DRD2: variants seen among roughly 807,000 people sequenced by gnomAD.
DRD2 encodes dopamine receptor D2.
A neutral mutation model predicts 38.0 loss-of-function variants in DRD2; 8 were observed. The ratio of observed to expected loss-of-function variants is 0.21; its 90% confidence interval spans 0.12 to 0.38. DRD2 has a LOEUF of 0.38. DRD2 is among the 10% of genes least tolerant of loss of function. The pLI, the probability that DRD2 is intolerant of heterozygous loss-of-function variation, is 1.00. For missense variants in DRD2, 403 were observed against 607.7 expected (o/e 0.66, Z 3.54); for synonymous variants, 230 against 238.6 (o/e 0.96, Z 0.33).
chr11:113,427,362 C>T (rs1591282574), intron 1 of DRD2, among the ~76,000 whole-genome samples: 1 of 152,110 alleles, frequency 6.6e-6, no homozygotes. Context: ...ATCCTCCTGC[C>T]TGAGCCATCA....
At chr11:113,455,125 G>T (rs1951256814) in intron 1 of DRD2, among the ~76,000 whole-genome samples, 1 of 152,146 alleles carries the variant, frequency 6.6e-6, no homozygotes, top group Non-Finnish European at 1.5e-5. Context: ...GAAGTGGATG[G>T]ATCACGAGGT....
chr11:113,414,667 G>T (rs188858781), intron 5 of DRD2, among the ~76,000 whole-genome samples: 380 of 152,316 alleles, frequency 2.5e-3, no homozygotes, highest in Non-Finnish European at 4.3e-3. Context: ...ACAAGGACCT[G>T]GTTTTTTATG....
At chr11:113,429,605 C>T (rs972476739) in intron 1 of DRD2, among the ~76,000 whole-genome samples, 1 of 152,130 alleles carries the variant, frequency 6.6e-6, no homozygotes. Flanking sequence ...TCTTCAGCAC[C>T]TTATCTACTT....
At chr11:113,474,578 C>T (rs1480080161) in intron 1 of DRD2, among the ~76,000 whole-genome samples, 1 of 152,168 alleles carries the variant, frequency 6.6e-6, no homozygotes, top group African/African-American at 2.4e-5. Context: ...TTAGCTTCTG[C>T]CTTAGAAACT....
chr11:113,440,423 G>A (rs1017074173), intron 1 of DRD2, among the ~76,000 whole-genome samples: 2 of 152,210 alleles, frequency 1.3e-5, no homozygotes, highest in Non-Finnish European at 2.9e-5. Context: ...GGCCTGTTAG[G>A]TTTCTCTGCG....
At chr11:113,413,954 C>T (rs1017655977) in intron 6 of DRD2, 1 of 328,486 alleles carries the variant, frequency 3.0e-6, no homozygotes, top group African/African-American at 2.2e-5. Flanking sequence ...CAGGTCTGGG[C>T]TTAGTGTCAC....
intron 1 of DRD2, among the ~76,000 whole-genome samples, chr11:113,439,700 G>T (rs1479482498): frequency 1.3e-5 from 2 of 151,416 alleles, no homozygotes; most frequent in Non-Finnish European, 2.9e-5. Flanking sequence ...ATTAGCCTGG[G>T]TGGAGGTGGG....
rs140807203 is a variant in DRD2 at position 113,430,623 on chromosome 11, G to A, written c.-31-5941C>T. 8.5e-4 allele frequency among the ~76,000 whole-genome samples: 129 copies of A among 152,244 alleles called. 1 individual carries two copies. The highest frequency in any genetic ancestry group is 2.8e-3 in the African/African-American group (117 of 41,536). On this transcript the variant is annotated intron_variant, in intron 1 of 7. Transcript: ENST00000362072. Reference sequence around the variant, plus strand: ...CCCTCCCTTTTGTCCTTCTGTCTCCGGGCTGCACAGATTGTTGGGCTCCAA... The same window carrying A: ...CCCTCCCTTTTGTCCTTCTGTCTCCAGGCTGCACAGATTGTTGGGCTCCAA...
chr11:113,429,297 T>G (rs1204133315), intron 1 of DRD2, among the ~76,000 whole-genome samples: 1 of 151,990 alleles, frequency 6.6e-6, no homozygotes, highest in Non-Finnish European at 1.5e-5. Flanking sequence ...CGGGCTGGAG[T>G]GCAGTGGGGC....
At chr11:113,458,618 T>A (rs1308877803) in intron 1 of DRD2, among the ~76,000 whole-genome samples, 4 of 152,258 alleles carry the variant, frequency 2.6e-5, no homozygotes, top group Non-Finnish European at 1.5e-5. Context: ...ATGCTGTGTG[T>A]ATATCATCAC....
At chr11:113,421,597 C>A (rs1191463341) in intron 2 of DRD2, among the ~76,000 whole-genome samples, 2 of 117,416 alleles carry the variant, frequency 1.7e-5, no homozygotes, top group Admixed American at 1.6e-4. Context: ...CACTCCAAAA[C>A]CAGCGTGCTT....
intron 1 of DRD2, among the ~76,000 whole-genome samples, chr11:113,458,829 G>T (rs1012239070): frequency 1.3e-5 from 2 of 152,094 alleles, no homozygotes; most frequent in African/African-American, 4.8e-5. Context: ...CAAATGTTCA[G>T]GGTCTACTAT....
intron 7 of DRD2, chr11:113,411,931 T>C (rs1169441315): frequency 6.5e-6 from 1 of 153,688 alleles, no homozygotes; most frequent in Admixed American, 6.4e-5. Context: ...TATGTGGTTT[T>C]CTAGACTTCT....
rs1369607940 is a variant in DRD2 at position 113,412,540 on chromosome 11, G to GC, written c.1138+15dup. The stretch of plus-strand genomic sequence containing the variant: ...TTCACAGACCGGGCTGTGGCCAGCA[G>GC]CCAGGGCCGACTCACCGAGAACAAT... On this transcript the variant is annotated intron_variant, in intron 7 of 7. Coordinates refer to ENST00000362072, the MANE Select transcript of DRD2 (RefSeq NM_000795.4). The GC allele has an allele frequency of 1.2e-6, 2 of 1,604,606 alleles. No homozygotes were observed. Among genetic ancestry groups the GC allele is most frequent in the African/African-American group, 2.7e-5 (2 of 73,016 alleles).
chr11:113,469,457 T>C (rs191269156), intron 1 of DRD2, among the ~76,000 whole-genome samples: 1 of 152,314 alleles, frequency 6.6e-6, no homozygotes, highest in East Asian at 1.9e-4. Context: ...GCCACTTACG[T>C]ATCAGAGAGG....
intron 1 of DRD2, among the ~76,000 whole-genome samples, chr11:113,469,745 C>G (rs117720003): frequency 0.064 from 9,771 of 152,204 alleles, 371 homozygotes; most frequent in East Asian, 0.17. Context: ...GTGGCTGAAG[C>G]AGGAGGATCA....
intron 1 of DRD2, among the ~76,000 whole-genome samples, chr11:113,444,547 T>C (rs1217031213): frequency 6.6e-6 from 1 of 152,246 alleles, no homozygotes; most frequent in South Asian, 2.1e-4. Flanking sequence ...TTTCTATCTA[T>C]GTTCAGTCTC....
intron 6 of DRD2, among the ~76,000 whole-genome samples, chr11:113,413,626 C>T (rs1950791967): frequency 6.6e-6 from 1 of 152,248 alleles, no homozygotes; most frequent in Non-Finnish European, 1.5e-5. Context: ...TCATAAACAG[C>T]TTCTTAGAGT....
At chr11:113,416,275 T>C (rs905044491) in intron 4 of DRD2, among the ~76,000 whole-genome samples, 14 of 152,234 alleles carry the variant, frequency 9.2e-5, no homozygotes, top group African/African-American at 3.4e-4. Context: ...CCATCGCTCT[T>C]GCCTCCCTGA....
Sources: gnomAD v4.1 joint callset for allele counts (sites outside exome capture counted in the v4.1 genomes callset) on GRCh38, gnomAD v4.1.1 for gene constraint, MANE v1.5 for transcripts, NCBI Gene and HGNC (gene_info 2026-07-23, HGNC 2026-07-21) for gene names.